TNKS2: variants seen among roughly 807,000 people sequenced by gnomAD.
The protein encoded by TNKS2 is poly [ADP-ribose] polymerase tankyrase-2.
In TNKS2, 72 loss-of-function variants were observed where a neutral mutation model predicts 137.6. The ratio of observed to expected loss-of-function variants is 0.52; its 90% CI spans 0.43 to 0.64. TNKS2 has a LOEUF of 0.64. TNKS2 is among the 30% of genes least tolerant of loss of function. TNKS2 has a pLI of 0.00. For missense variants in TNKS2, 1,049 were observed against 1,410.2 expected (o/e 0.74, Z 4.10); for synonymous variants, 516 against 512.1 (o/e 1.01, Z -0.10).
intron 21 of TNKS2, among the ~76,000 whole-genome samples, chr10:91,853,891 A>T (rs1301672224): frequency 1.3e-5 from 2 of 152,256 alleles, no homozygotes; most frequent in East Asian, 1.9e-4. Flanking sequence ...TTTGGCCCCT[A>T]CATGGGAAAA....
chr10:91,811,461 G>A (rs1479369538), intron 1 of TNKS2, among the ~76,000 whole-genome samples: 5 of 151,694 alleles, frequency 3.3e-5, no homozygotes, highest in Non-Finnish European at 7.4e-5. Context: ...AGCTCTAGTA[G>A]CACTTTATAT....
At chr10:91,859,923 A>G (rs1842808894) in intron 25 of TNKS2, among the ~76,000 whole-genome samples, 1 of 152,224 alleles carries the variant, frequency 6.6e-6, no homozygotes, top group Non-Finnish European at 1.5e-5. Context: ...AACATTAGGC[A>G]TGAAAGAGGC....
intron 9 of TNKS2, among the ~76,000 whole-genome samples, chr10:91,829,803 C>A (rs528949280): frequency 6.6e-6 from 1 of 152,240 alleles, no homozygotes; most frequent in African/African-American, 2.4e-5. Context: ...AATCAAAGAA[C>A]AGATTTCATG....
intron 11 of TNKS2, among the ~76,000 whole-genome samples, chr10:91,833,127 C>T (rs1841872888): frequency 6.6e-6 from 1 of 152,128 alleles, no homozygotes; most frequent in Admixed American, 6.5e-5. Context: ...AGTATATACA[C>T]CTATGTAACC....
chr10:91,833,630 G>A (rs1247408014), intron 11 of TNKS2, among the ~76,000 whole-genome samples: 1 of 152,006 alleles, frequency 6.6e-6, no homozygotes, highest in East Asian at 1.9e-4. Flanking sequence ...TTACTATTCA[G>A]CATCTCGCAT....
rs1366836084 is a variant in TNKS2, at chr10:91,798,496, C to CGGG, written c.-191_-189dup. 1.3e-4 allele frequency: 70 copies of CGGG among 523,740 alleles called. No individual in the cohort carries two copies. The highest frequency in any genetic ancestry group is 1.4e-4 in the Non-Finnish European group (50 of 360,290). 32.4% of individuals were successfully genotyped at this position (523,740 alleles called of 1,614,324 possible). A position where few individuals can be genotyped will look rare whatever the true frequency, so the allele number is the denominator to read the frequency against. On this transcript the variant is annotated 5_prime_UTR_variant, in exon 1 of 27. Coordinates refer to ENST00000371627, the MANE Select transcript of TNKS2 (RefSeq NM_025235.4). ...GCTGCCTCCGCCGCCGCGGGGCAGCCGGGGGGCAGGGAGCCCAGCGAGGGG... is the reference window on the plus strand; with the variant it reads ...GCTGCCTCCGCCGCCGCGGGGCAGCCGGGGGGGGGCAGGGAGCCCAGCGAGGGG...
chr10:91,856,927 ATCT>A (rs35100203), intron 23 of TNKS2, among the ~76,000 whole-genome samples: 49,346 of 151,680 alleles, frequency 0.33, 8,499 homozygotes, highest in South Asian at 0.53. Context: ...CCACCTTAAA[ATCT>A]TCTGCGGACA....
At chr10:91,799,273 A>G (rs374085208) in intron 1 of TNKS2, among the ~76,000 whole-genome samples, 10 of 152,204 alleles carry the variant, frequency 6.6e-5, no homozygotes, top group African/African-American at 9.7e-5. Context: ...GTTACCTCCA[A>G]AATTTTTCGT....
chr10:91,830,752 T>G (rs1350343818), intron 9 of TNKS2, among the ~76,000 whole-genome samples, 171 bp from the exon 10 acceptor site: 1 of 152,224 alleles, frequency 6.6e-6, no homozygotes, highest in African/African-American at 2.4e-5. Context: ...TTTCAGGTTC[T>G]GTCAGAATTT....
chr10:91,864,609 A>G lies in TNKS2; in HGVS notation c.*1610A>G, dbSNP rs764350106. On this transcript the variant is annotated 3_prime_UTR_variant, in exon 27 of 27. Transcript: ENST00000371627. ...CCTGAGTAAGAGTTAATCAGAGTAA[A>G]TGCATTTCTGGAGTTGTTTCTGTGA... The G allele has an allele frequency of 6.6e-6, 1 of 152,618 alleles. No individual in the cohort carries two copies. Among genetic ancestry groups the G allele is most frequent in the Non-Finnish European group, 1.5e-5 (1 of 68,034 alleles). The allele number at this position is 152,618 out of a possible 1,614,324, so 9.5% of individuals were successfully genotyped here.
intron 26 of TNKS2, 101 bp from the exon 27 acceptor site, chr10:91,862,836 A>AT (rs1298059387): frequency 5.2e-6 from 4 of 762,154 alleles, no homozygotes; most frequent in Non-Finnish European, 8.7e-6. Context: ...TACAACAGTA[A>AT]TTTAGAACCT....
intron 6 of TNKS2, among the ~76,000 whole-genome samples, 167 bp downstream of exon 6, chr10:91,820,200 C>T (rs1166771559): frequency 9.9e-5 from 15 of 152,158 alleles, no homozygotes; most frequent in Non-Finnish European, 8.8e-5. Context: ...AAACCTTAAG[C>T]CCACAGCTCA....
At position 91,798,903 on chromosome 10, in the gene TNKS2, G is replaced by T; in HGVS notation, c.199+14G>T. The T allele has an allele frequency of 7.3e-7, 1 of 1,376,808 alleles. No individual in the cohort carries two copies. The highest frequency in any genetic ancestry group is 9.5e-7 in the Non-Finnish European group (1 of 1,056,432). 85.3% of individuals were successfully genotyped at this position (1,376,808 alleles called of 1,614,324 possible). A position where few individuals can be genotyped will look rare whatever the true frequency, so the allele number is the denominator to read the frequency against. On this transcript the variant is annotated intron_variant, in intron 1 of 26. Transcript: ENST00000371627. ...ACTTCGCCGCAGGTAACCGGGGCCAGCGTCCCCTCGCCTCGCTCCAGACCC... is the reference window on the plus strand; with the variant it reads ...ACTTCGCCGCAGGTAACCGGGGCCATCGTCCCCTCGCCTCGCTCCAGACCC...
chr10:91,833,500 C>G (rs1841888648), intron 11 of TNKS2, among the ~76,000 whole-genome samples: 1 of 152,052 alleles, frequency 6.6e-6, no homozygotes, highest in African/African-American at 2.4e-5. Flanking sequence ...TTACTATTGT[C>G]TATCTCGGGG....
intron 11 of TNKS2, among the ~76,000 whole-genome samples, chr10:91,831,809 A>T (rs57095232): frequency 1.3e-5 from 2 of 152,170 alleles, no homozygotes; most frequent in Non-Finnish European, 1.5e-5. Context: ...ATTGGAAGAG[A>T]TGACAGTAGT....
intron 7 of TNKS2, among the ~76,000 whole-genome samples, chr10:91,823,956 T>C (rs1844989521): frequency 6.6e-6 from 1 of 152,226 alleles, no homozygotes; most frequent in Admixed American, 6.5e-5. Flanking sequence ...AGTAATGCTT[T>C]TGCTTCTTGT....
intron 19 of TNKS2, 133 bp from the exon 20 acceptor site, chr10:91,849,379 G>A: frequency 1.6e-6 from 1 of 616,844 alleles, no homozygotes. Flanking sequence ...CTCTTGTTCA[G>A]TATTATATCC....
At chr10:91,799,166 T>TA (rs1844073783) in intron 1 of TNKS2, among the ~76,000 whole-genome samples, 1 of 151,896 alleles carries the variant, frequency 6.6e-6, no homozygotes, top group African/African-American at 2.4e-5. Flanking sequence ...GTATCAACAA[T>TA]ACCTGTACCA....
At chr10:91,812,724 T>G in intron 1 of TNKS2, 1 of 977,844 alleles carries the variant, frequency 1.0e-6, no homozygotes, top group South Asian at 4.7e-5. Context: ...TTATTTTGTA[T>G]TCTTTCTTTG....
Sources: allele counts gnomAD v4.1 joint callset (sites outside exome capture counted in the v4.1 genomes callset), GRCh38; gene constraint gnomAD v4.1.1; transcripts MANE v1.5; gene names NCBI Gene and HGNC (gene_info 2026-07-23, HGNC 2026-07-21).